The following SPRY3 variants were observed in gnomAD, a reference collection of about 807,000 sequenced individuals.
SPRY3 encodes the protein protein sprouty homolog 3.
SPRY3 carries 15 observed loss-of-function variants against 20.2 expected under a neutral mutation model. That is an observed-to-expected ratio of 0.74 (90% CI 0.50 to 1.14). The LOEUF (loss-of-function observed/expected upper bound fraction) is 1.14, where lower values mean the gene tolerates loss of function less well. Ranked by LOEUF, SPRY3 falls within the 50% of genes most tolerant of loss-of-function variation. SPRY3 has a pLI of 0.00. For synonymous variants in SPRY3, 143 were observed against 136.5 expected, an observed-to-expected ratio of 1.05 and a Z score of -0.33; for missense variants, 364 against 363.9, an observed-to-expected ratio of 1.00 and a Z score of 0.00.
chrX:155,773,309 TATATATA>T lies in SPRY3; in HGVS notation c.-106-456_-106-450del, dbSNP rs1569402328. 4.3e-3 allele frequency among the ~76,000 whole-genome samples: 578 copies of T among 134,132 alleles called. 12 individuals are homozygous for T. The highest frequency in any genetic ancestry group is 0.014 in the African/African-American group (494 of 35,388). The allele number at this position is 134,132 out of a possible 152,430, so 88.0% of individuals were successfully genotyped here. A position where few individuals can be genotyped will look rare whatever the true frequency, so the allele number is the denominator to read the frequency against. On this transcript the variant is annotated intron_variant, in intron 3 of 3. Transcript: ENST00000675360. ...CACTGAAAAGATAATTTTGATTGGATATATATATATATATATATATATATATATATAT... is the reference window on the plus strand; with the variant it reads ...CACTGAAAAGATAATTTTGATTGGATTATATATATATATATATATATATAT...
At chrX:155,780,894 A>G (rs1211505275), downstream of SPRY3, 1 of 167,048 alleles carries the variant, frequency 6.0e-6, no homozygotes, top group Non-Finnish European at 1.5e-5. Context: ...TGTATGTGAA[A>G]GAAAAAAAGC....
At chrX:155,756,756 C>G (rs142918084) in intron 2 of SPRY3, among the ~76,000 whole-genome samples, 6,331 of 151,986 alleles carry the variant, frequency 0.042, 160 homozygotes, top group African/African-American at 0.071. Context: ...TGCTCCTTTA[C>G]AAGACACAGA....
Position 155,761,367 on chromosome X carries a change from C to A in SPRY3, c.-281-6595C>A, listed in dbSNP as rs182779927. On this transcript the variant is annotated intron_variant, in intron 2 of 3. Transcript: ENST00000675360. ...TTTAATTTCAATTTCATTTTAGATTCAAAAAAAACAGAATTTGTTCTTTTT... is the reference window on the plus strand; with the variant it reads ...TTTAATTTCAATTTCATTTTAGATTAAAAAAAAACAGAATTTGTTCTTTTT... Among the ~76,000 whole-genome samples, 669 of 151,340 alleles carry A rather than the reference C, an allele frequency of 4.4e-3. 9 individuals carry two copies. Among genetic ancestry groups the A allele is most frequent in the African/African-American group, 0.015 (618 of 41,292 alleles).
intron 1 of SPRY3, among the ~76,000 whole-genome samples, chrX:155,615,105 T>G (rs1458883977): frequency 8.9e-6 from 1 of 111,880 alleles, no homozygotes; most frequent in Non-Finnish European, 1.9e-5. Context: ...ACAGTCTTTG[T>G]CTCCAGGTAT....
chrX:155,734,519 T>C (rs939856689), intron 2 of SPRY3, among the ~76,000 whole-genome samples: 3 of 151,764 alleles, frequency 2.0e-5, no homozygotes, highest in Non-Finnish European at 2.9e-5. Flanking sequence ...CCATAACAAA[T>C]ATAATAGTAA....
chrX:155,766,528 T>C (rs1277326779), intron 2 of SPRY3, among the ~76,000 whole-genome samples: 2 of 152,180 alleles, frequency 1.3e-5, no homozygotes, highest in East Asian at 3.8e-4. Context: ...CAAAGCATCC[T>C]AAGAATGCTG....
intron 2 of SPRY3, among the ~76,000 whole-genome samples, chrX:155,706,388 T>G (rs1160703957): frequency 6.6e-6 from 1 of 151,146 alleles, no homozygotes; most frequent in Admixed American, 6.6e-5. Flanking sequence ...GAAATTTATA[T>G]TTTTAAATTC....
chrX:155,781,330 T>C (rs948755807), downstream of SPRY3: 1 of 167,018 alleles, frequency 6.0e-6, no homozygotes, highest in Non-Finnish European at 1.5e-5. Flanking sequence ...CAAAGTGGTG[T>C]TGTAGAAATC....
chrX:155,670,900 A>G (rs2068038369), intron 2 of SPRY3, among the ~76,000 whole-genome samples: 1 of 112,154 alleles, frequency 8.9e-6, no homozygotes, highest in Non-Finnish European at 1.9e-5. Context: ...TAGGAGCCAA[A>G]TACACTGATC....
Position 155,766,232 on chromosome X carries a change from C to G in SPRY3, c.-281-1730C>G, listed in dbSNP as rs187999561. 5.9e-5 allele frequency among the ~76,000 whole-genome samples: 9 copies of G among 152,156 alleles called. No homozygotes were observed. In the South Asian group the frequency reaches 1.9e-3, roughly 32 times the overall value. ...ACACATACATACACACAGGAGCATG[C>G]AGACCCACACAGCCGTACTTTTTTA... On this transcript the variant is annotated intron_variant, in intron 2 of 3. Transcript: ENST00000675360.
At chrX:155,746,703 C>G (rs1360129360) in intron 2 of SPRY3, among the ~76,000 whole-genome samples, 1 of 151,938 alleles carries the variant, frequency 6.6e-6, no homozygotes, top group African/African-American at 2.4e-5. Context: ...ATTGGGTACT[C>G]AAATTCTGGA....
At chrX:155,773,705 T>C (rs2091398754) in intron 3 of SPRY3, 61 bp from the exon 3 acceptor site, 3 of 756,302 alleles carry the variant, frequency 4.0e-6, no homozygotes, top group Non-Finnish European at 6.6e-6. Context: ...CTTTGTTGGT[T>C]TCTTGCAAAG....
intron 1 of SPRY3, among the ~76,000 whole-genome samples, chrX:155,630,330 C>G (rs1247658130): frequency 1.8e-5 from 2 of 111,915 alleles, no homozygotes; most frequent in Non-Finnish European, 3.8e-5. Flanking sequence ...TTCATACTTT[C>G]AAATGTTTTC....
intron 1 of SPRY3, among the ~76,000 whole-genome samples, chrX:155,654,173 A>G (rs1196575698): frequency 1.8e-5 from 2 of 112,233 alleles, no homozygotes; most frequent in Non-Finnish European, 3.8e-5. Flanking sequence ...GGTTTGTTGT[A>G]GACAACATGT....
downstream of SPRY3, chrX:155,777,636 T>TATATATATGTAA (rs200220897): frequency 4.3e-5 from 3 of 70,360 alleles, no homozygotes; most frequent in Non-Finnish European, 7.7e-5. Flanking sequence ...CTTCTGTGAT[T>TATATATATGTAA]ATATATATTC....
chrX:155,615,139 A>T (rs782476450), intron 1 of SPRY3, among the ~76,000 whole-genome samples: 1 of 112,513 alleles, frequency 8.9e-6, no homozygotes, highest in Non-Finnish European at 1.9e-5. Flanking sequence ...CATAGAGTGA[A>T]AGAATTCACA....
intron 2 of SPRY3, among the ~76,000 whole-genome samples, chrX:155,763,702 C>T (rs2091313349): frequency 6.6e-6 from 1 of 152,050 alleles, no homozygotes; most frequent in Admixed American, 6.6e-5. Context: ...ATGTGAATTC[C>T]TTCATGTGAA....
intron 2 of SPRY3, among the ~76,000 whole-genome samples, chrX:155,762,747 A>G (rs2091309572): frequency 6.6e-6 from 1 of 152,224 alleles, no homozygotes; most frequent in Admixed American, 6.5e-5. Flanking sequence ...ATGCTTATAC[A>G]CTGTTGGTGG....
At chrX:155,741,361 C>CTGAA (rs2091203614) in intron 2 of SPRY3, among the ~76,000 whole-genome samples, 1 of 152,100 alleles carries the variant, frequency 6.6e-6, no homozygotes, top group Non-Finnish European at 1.5e-5. Flanking sequence ...TGTAAAAAGA[C>CTGAA]TGAACCTATG....
Sources: gnomAD v4.1 joint callset for allele counts (sites outside exome capture counted in the v4.1 genomes callset) on GRCh38, gnomAD v4.1.1 for gene constraint, MANE v1.5 for transcripts, NCBI Gene and HGNC (gene_info 2026-07-23, HGNC 2026-07-21) for gene names.